ZC3H12B: variants seen among roughly 807,000 people sequenced by gnomAD.
ZC3H12B encodes the protein zinc finger CCCH-type containing 12B, also known as probable ribonuclease ZC3H12B.
ZC3H12B carries 7 observed loss-of-function variants against 43.9 expected under a neutral mutation model. The observed-to-expected ratio is 0.16, with a 90% CI of 0.09 to 0.30. The LOEUF (loss-of-function observed/expected upper bound fraction) is 0.30, where lower values mean the gene tolerates loss of function less well. Among genes scored for constraint, ZC3H12B ranks in the 10% least tolerant of loss-of-function variants. The pLI, the probability that ZC3H12B is intolerant of heterozygous loss-of-function variation, is 1.00. For synonymous variants in ZC3H12B, 222 were observed against 241.7 expected (o/e 0.92, Z 0.76); for missense variants, 475 against 670.2 (o/e 0.71, Z 3.22).
chrX:65,355,781 C>G, the ZC3H12B span, among the ~76,000 whole-genome samples: 1 of 110,812 alleles, frequency 9.0e-6, no homozygotes, highest in Non-Finnish European at 1.9e-5. Flanking sequence ...ATGGTGAAAC[C>G]CTGTCTCTAC....
the ZC3H12B span, among the ~76,000 whole-genome samples, chrX:65,199,087 C>T: frequency 9.2e-6 from 1 of 108,705 alleles, no homozygotes; most frequent in East Asian, 2.9e-4. Flanking sequence ...ACGTTGGCCC[C>T]CCAAAGATAA....
At chrX:65,442,622 T>A (rs1226197192) in intron 3 of ZC3H12B, among the ~76,000 whole-genome samples, 1 of 111,739 alleles carries the variant, frequency 8.9e-6, no homozygotes, top group East Asian at 2.8e-4. Flanking sequence ...AGTTTTAAAT[T>A]GTAAGAACTG....
chrX:65,057,912 G>A, the ZC3H12B span, among the ~76,000 whole-genome samples: 3 of 111,793 alleles, frequency 2.7e-5, no homozygotes, highest in South Asian at 7.5e-4. Context: ...CCTAGCTGTC[G>A]TGCCATGGTT....
the ZC3H12B span, among the ~76,000 whole-genome samples, chrX:65,200,750 C>A: frequency 4.5e-5 from 5 of 110,879 alleles, no homozygotes; most frequent in Non-Finnish European, 9.4e-5. Context: ...ATTATAGTTT[C>A]TTCTGCTGTG....
chrX:65,429,233 G>A (rs775977437), intron 3 of ZC3H12B, among the ~76,000 whole-genome samples: 6 of 112,796 alleles, frequency 5.3e-5, no homozygotes, highest in Non-Finnish European at 9.4e-5. Context: ...AGGAGGAACA[G>A]GATGAGGGAC....
At chrX:65,359,769 T>C in the ZC3H12B span, among the ~76,000 whole-genome samples, 2 of 112,339 alleles carry the variant, frequency 1.8e-5, no homozygotes, top group Non-Finnish European at 3.8e-5. Flanking sequence ...ATTTAGAATA[T>C]TACATAAACT....
At chrX:65,193,547 G>C in the ZC3H12B span, among the ~76,000 whole-genome samples, 1 of 110,838 alleles carries the variant, frequency 9.0e-6, no homozygotes, top group South Asian at 3.8e-4. Context: ...TCTAGCTAAA[G>C]GTATGTCAAT....
chrX:65,421,266 C>T (rs1459648662), intron 3 of ZC3H12B, among the ~76,000 whole-genome samples: 1 of 112,120 alleles, frequency 8.9e-6, no homozygotes, highest in African/African-American at 3.2e-5. Flanking sequence ...ACTTCTGTCA[C>T]CACCTTATGA....
In ZC3H12B at chrX:65,380,980, C is replaced by T. The variant is rs775845250; in HGVS notation, n.295+11982C>T. The stretch of plus-strand genomic sequence containing the variant: ...AAGTCCTGAGTGACCTGCAAAGAGA[C>T]TTAGACTCCCAAACATTAATAATGG... On this transcript the variant is annotated intron_variant and non_coding_transcript_variant, in intron 2 of 5. Transcript: ENST00000617377. Among the ~76,000 whole-genome samples the T allele has an allele frequency of 3.6e-5, 4 of 111,409 alleles. No homozygotes were observed. In the East Asian group the frequency reaches 1.1e-3, roughly 31 times the overall value.
the ZC3H12B span, among the ~76,000 whole-genome samples, chrX:65,359,965 T>C: frequency 8.9e-6 from 1 of 112,047 alleles, no homozygotes; most frequent in Non-Finnish European, 1.9e-5. Context: ...TACCTCATTC[T>C]TCAGGCGCCA....
the ZC3H12B span, among the ~76,000 whole-genome samples, chrX:65,105,486 T>G: frequency 9.0e-5 from 10 of 111,036 alleles, no homozygotes; most frequent in East Asian, 2.3e-3. Context: ...TGGGATAGAG[T>G]GCCCAGGGAA....
At chrX:65,121,628 G>A in the ZC3H12B span, among the ~76,000 whole-genome samples, 1 of 110,971 alleles carries the variant, frequency 9.0e-6, no homozygotes, top group Non-Finnish European at 1.9e-5. Context: ...TTTTTTGAAG[G>A]GTTTTTGTGT....
At chrX:65,458,098 A>G (rs1296423138) in intron 3 of ZC3H12B, among the ~76,000 whole-genome samples, 1 of 100,428 alleles carries the variant, frequency 1.0e-5, no homozygotes, top group Non-Finnish European at 2.0e-5. Flanking sequence ...AAAAAAAAAA[A>G]AAAGAGACAA....
intron 2 of ZC3H12B, 101 bp from the exon 8 acceptor site, chrX:65,498,897 TA>T: frequency 1.6e-6 from 1 of 629,631 alleles, no homozygotes; most frequent in South Asian, 2.9e-5. Context: ...GAGCAAATAA[TA>T]TCTTCATCCA....
the ZC3H12B span, among the ~76,000 whole-genome samples, chrX:65,219,591 C>G: frequency 9.0e-6 from 1 of 111,310 alleles, no homozygotes; most frequent in Non-Finnish European, 1.9e-5. Flanking sequence ...TGAATTAACC[C>G]AGTCCAACAA....
At chrX:65,315,738 T>G in the ZC3H12B span, among the ~76,000 whole-genome samples, 10 of 112,032 alleles carry the variant, frequency 8.9e-5, no homozygotes, top group African/African-American at 1.9e-4. Context: ...GCACAAGAAC[T>G]ATGGCAACTT....
At chrX:65,352,983 G>C in the ZC3H12B span, among the ~76,000 whole-genome samples, 1 of 110,622 alleles carries the variant, frequency 9.0e-6, no homozygotes, top group Non-Finnish European at 1.9e-5. Context: ...AAGTAGCTGG[G>C]ACTACAGGTG....
the ZC3H12B span, among the ~76,000 whole-genome samples, chrX:65,231,465 A>T: frequency 9.0e-6 from 1 of 110,863 alleles, no homozygotes; most frequent in African/African-American, 3.3e-5. Context: ...ACTTCAGGAG[A>T]CCAGGGCGTA....
the ZC3H12B span, among the ~76,000 whole-genome samples, chrX:65,316,136 A>G: frequency 8.9e-6 from 1 of 112,126 alleles, no homozygotes; most frequent in African/African-American, 3.2e-5. Flanking sequence ...AGGAAAAGCA[A>G]TAAAGAAGAA....
Sources: gnomAD v4.1 joint callset for allele counts (sites outside exome capture counted in the v4.1 genomes callset) on GRCh38, gnomAD v4.1.1 for gene constraint, MANE v1.5 for transcripts, NCBI Gene and HGNC (gene_info 2026-07-23, HGNC 2026-07-21) for gene names.